ADK: variants seen among roughly 807,000 people sequenced by gnomAD.
ADK encodes N6,N6-dimethyladenosine kinase.
A neutral mutation model predicts 44.7 loss-of-function variants in ADK; 24 were observed. That is an observed-to-expected ratio of 0.54 (90% CI 0.39 to 0.76). The LOEUF is 0.76. Among genes scored for constraint, ADK ranks in the 30% least tolerant of loss-of-function variants. ADK has a pLI of 0.00. For synonymous variants in ADK, 128 were observed against 142.6 expected (o/e 0.90, Z 0.73); for missense variants, 321 against 425.1 (o/e 0.76, Z 2.15).
At chr10:74,660,152 A>G (rs1335613291) in intron 9 of ADK, among the ~76,000 whole-genome samples, 1 of 152,130 alleles carries the variant, frequency 6.6e-6, no homozygotes, top group East Asian at 1.9e-4. Context: ...TTTCTGAGAC[A>G]ACATCTGGCT....
intron 1 of ADK, among the ~76,000 whole-genome samples, chr10:74,194,727 TA>T (rs949521837): frequency 2.6e-5 from 4 of 152,168 alleles, no homozygotes; most frequent in African/African-American, 9.7e-5. Context: ...AAGCGTTTGA[TA>T]AAACCAAGAT....
intron 10 of ADK, among the ~76,000 whole-genome samples, chr10:74,678,975 A>T (rs1855503148): frequency 6.6e-6 from 1 of 152,204 alleles, no homozygotes; most frequent in Admixed American, 6.5e-5. Context: ...AGTTACCTAA[A>T]ATAACAACTC....
chr10:74,682,449 A>T (rs1397219746), intron 10 of ADK, among the ~76,000 whole-genome samples: 1 of 152,144 alleles, frequency 6.6e-6, no homozygotes, highest in Non-Finnish European at 1.5e-5. Context: ...TGCTCACTTT[A>T]TGTGGGAGGG....
chr10:74,201,699 TC>T (rs1843398984), intron 2 of ADK, among the ~76,000 whole-genome samples: 1 of 147,756 alleles, frequency 6.8e-6, no homozygotes, highest in Non-Finnish European at 1.5e-5. Context: ...TATCTATCTA[TC>T]TATCTATCTA....
intron 4 of ADK, among the ~76,000 whole-genome samples, chr10:74,352,816 CTCA>C (rs1260837427): frequency 6.6e-6 from 1 of 152,184 alleles, no homozygotes; most frequent in Non-Finnish European, 1.5e-5. Context: ...TGAAAAATTG[CTCA>C]TCATCATTGG....
chr10:74,552,311 C>T (rs980597559), intron 7 of ADK, among the ~76,000 whole-genome samples: 3 of 152,136 alleles, frequency 2.0e-5, no homozygotes, highest in Non-Finnish European at 4.4e-5. Flanking sequence ...TCATAAGCCA[C>T]TGCTGTCAGC....
intron 6 of ADK, among the ~76,000 whole-genome samples, chr10:74,463,880 G>T (rs901382468): frequency 6.6e-6 from 1 of 151,950 alleles, no homozygotes; most frequent in African/African-American, 2.4e-5. Flanking sequence ...TAAGGTGCAA[G>T]GAAATGTTAT....
chr10:74,219,249 A>G (rs1350797704), intron 2 of ADK, among the ~76,000 whole-genome samples: 2 of 151,734 alleles, frequency 1.3e-5, no homozygotes, highest in Admixed American at 1.3e-4. Context: ...CTTTAAACCA[A>G]CAAAGATCAA....
At chr10:74,705,863 A>T (rs1242927802) in intron 10 of ADK, among the ~76,000 whole-genome samples, 1 of 152,110 alleles carries the variant, frequency 6.6e-6, no homozygotes, top group Non-Finnish European at 1.5e-5. Context: ...TGTGATTTTA[A>T]TTTGCATTTC....
At chr10:74,200,448 C>A (rs1277938213) in intron 1 of ADK, among the ~76,000 whole-genome samples, 1 of 148,372 alleles carries the variant, frequency 6.7e-6, no homozygotes, top group Non-Finnish European at 1.5e-5. Context: ...TGCACCATTG[C>A]ACTCCGGCCT....
At chr10:74,172,490 A>G (rs1339682929) in intron 1 of ADK, among the ~76,000 whole-genome samples, 7 of 151,980 alleles carry the variant, frequency 4.6e-5, no homozygotes, top group Non-Finnish European at 1.0e-4. Flanking sequence ...GGAGTTTGAG[A>G]CCAGCCTGAC....
chr10:74,267,371 T>TTA (rs1292395495), intron 3 of ADK, among the ~76,000 whole-genome samples: 2 of 152,206 alleles, frequency 1.3e-5, no homozygotes, highest in Non-Finnish European at 2.9e-5. Flanking sequence ...GGTACTTTAG[T>TTA]ATGTGTGCAT....
intron 7 of ADK, among the ~76,000 whole-genome samples, chr10:74,572,322 AAT>A (rs2133860269): frequency 6.6e-6 from 1 of 152,334 alleles, no homozygotes; most frequent in African/African-American, 2.4e-5. Context: ...AAGAATGTTG[AAT>A]ATTGGCCCCC....
At chr10:74,200,504 T>A (rs191181124) in intron 1 of ADK, among the ~76,000 whole-genome samples, 7,113 of 143,978 alleles carry the variant, frequency 0.049, 218 homozygotes, top group Middle Eastern at 0.088. Flanking sequence ...AAAAAAAAAA[T>A]AGGTATTCTC....
intron 4 of ADK, among the ~76,000 whole-genome samples, chr10:74,375,624 A>C (rs1842792033): frequency 6.6e-6 from 1 of 152,186 alleles, no homozygotes; most frequent in Non-Finnish European, 1.5e-5. Context: ...AGAGTCAGTC[A>C]AGGGGGGCCA....
intron 4 of ADK, among the ~76,000 whole-genome samples, chr10:74,373,362 G>GACACCATC (rs1173091832): frequency 1.3e-5 from 2 of 152,004 alleles, no homozygotes; most frequent in African/African-American, 4.8e-5. Context: ...TGCTTTAAAG[G>GACACCATC]ACACCATCAA....
At chr10:74,374,390 C>A (rs1842758490) in intron 4 of ADK, among the ~76,000 whole-genome samples, 1 of 152,122 alleles carries the variant, frequency 6.6e-6, no homozygotes, top group Non-Finnish European at 1.5e-5. Flanking sequence ...ATACATTAAT[C>A]ATTTGCCAGA....
chr10:74,708,482 A>C lies in ADK; in HGVS notation c.*37A>C, dbSNP rs751513865. On this transcript the variant is annotated 3_prime_UTR_variant, in exon 11 of 11. Transcript: ENST00000539909. ...AAAACACAAGCCCAGGAGTGCAGAC[A>C]CTGCCCTAATTGCTTCCTGAGAATT... 16 of 1,604,008 alleles carry C rather than the reference A, an allele frequency of 1.0e-5. No individual in the cohort carries two copies. The highest frequency in any genetic ancestry group is 1.4e-5 in the Non-Finnish European group (16 of 1,176,640).
intron 10 of ADK, among the ~76,000 whole-genome samples, chr10:74,683,898 C>T (rs1428457916): frequency 1.3e-5 from 2 of 152,158 alleles, no homozygotes; most frequent in African/African-American, 2.4e-5. Flanking sequence ...GGCCTCTTAC[C>T]CAGCTCTCTA....
Sources: gnomAD v4.1 joint callset for allele counts (sites outside exome capture counted in the v4.1 genomes callset) on GRCh38, gnomAD v4.1.1 for gene constraint, MANE v1.5 for transcripts, NCBI Gene and HGNC (gene_info 2026-07-23, HGNC 2026-07-21) for gene names.